Variants in ABAT observed in about 807,000 individuals in gnomAD.
ABAT encodes the protein 4-aminobutyrate aminotransferase, also known as 4-aminobutyrate aminotransferase, mitochondrial.
ABAT carries 45 observed loss-of-function variants against 64.6 expected under a neutral mutation model. The observed-to-expected ratio is 0.70, with a 90% confidence interval of 0.55 to 0.89. The LOEUF is 0.89. Ranked by LOEUF, ABAT falls within the 40% of genes least tolerant of loss-of-function variation. The pLI is 0.00. For synonymous variants in ABAT, 297 were observed against 250.5 expected, an observed-to-expected ratio of 1.19 and a Z score of -1.75; for missense variants, 633 against 658.4, an observed-to-expected ratio of 0.96 and a Z score of 0.42.
At chr16:8,748,032 G>A (rs562210629) in intron 3 of ABAT, 76 bp from the exon 4 acceptor site, 2 of 1,446,542 alleles carry the variant, frequency 1.4e-6, no homozygotes, top group Admixed American at 1.8e-5. Flanking sequence ...CAAGACTTGG[G>A]AAAACATGAA....
chr16:8,734,421 T>A (rs73499546), intron 1 of ABAT, among the ~76,000 whole-genome samples: 5,005 of 152,162 alleles, frequency 0.033, 283 homozygotes, highest in African/African-American at 0.11. Context: ...AGGGATTTTG[T>A]TGGAGTGTTT....
At chr16:8,716,243 C>T (rs1475502095) in intron 1 of ABAT, among the ~76,000 whole-genome samples, 1 of 152,126 alleles carries the variant, frequency 6.6e-6, no homozygotes, top group Non-Finnish European at 1.5e-5. Context: ...TACTACATGG[C>T]TGTGTGATGT....
At chr16:8,753,966 A>G (rs2059566180) in intron 5 of ABAT, among the ~76,000 whole-genome samples, 1 of 152,108 alleles carries the variant, frequency 6.6e-6, no homozygotes, top group African/African-American at 2.4e-5. Flanking sequence ...TGCGCGGCCC[A>G]GGCTCAGAGG....
At chr16:8,704,080 G>A (rs1030916050) in intron 1 of ABAT, among the ~76,000 whole-genome samples, 11 of 152,266 alleles carry the variant, frequency 7.2e-5, no homozygotes, top group Middle Eastern at 3.4e-3. Context: ...GGGATGAGTC[G>A]AGAAGTTTCC....
At chr16:8,773,105 T>TACACAC (rs35248639) in intron 12 of ABAT, among the ~76,000 whole-genome samples, 188 bp downstream of exon 12, 12,772 of 108,768 alleles carry the variant, frequency 0.12, 873 homozygotes, top group Non-Finnish European at 0.15. Context: ...CCTAAAACTA[T>TACACAC]ACACACACAC....
chr16:8,762,898 A>G (rs2059837519), intron 6 of ABAT, among the ~76,000 whole-genome samples: 1 of 152,038 alleles, frequency 6.6e-6, no homozygotes, highest in African/African-American at 2.4e-5. Flanking sequence ...CTTGAGTCCA[A>G]GAGTTCAAGA....
At position 8,764,631 on chromosome 16, in the gene ABAT, C is replaced by A; in HGVS notation, c.448-107C>A. 1.8e-5 allele frequency: 19 copies of A among 1,072,220 alleles called. 1 individual carries two copies. The South Asian group carries it at 2.0e-4, about 12-fold the overall frequency. 66.4% of individuals were successfully genotyped at this position (1,072,220 alleles called of 1,614,324 possible). A position where few individuals can be genotyped will look rare whatever the true frequency, so the allele number is the denominator to read the frequency against. ...GACACCTTCCAGGACAGCCCTGGTT[C>A]TGTCTGTCCCCGGTACGGCCCCTGC... On this transcript the variant is annotated intron_variant, in intron 7 of 15. Transcript: ENST00000268251. The surrounding 1 kb of genome is among the most constrained non-coding windows in gnomAD (Gnocchi z 4.2).
intron 4 of ABAT, among the ~76,000 whole-genome samples, chr16:8,748,647 T>C (rs1456243383): frequency 1.4e-5 from 2 of 146,092 alleles, no homozygotes; most frequent in Non-Finnish European, 3.0e-5. Flanking sequence ...CATCTCCAAC[T>C]ATTATTATAA....
At chr16:8,695,972 G>T (rs2057692579) in intron 1 of ABAT, among the ~76,000 whole-genome samples, 1 of 152,206 alleles carries the variant, frequency 6.6e-6, no homozygotes, top group Non-Finnish European at 1.5e-5. Flanking sequence ...GATGCTTAAA[G>T]CCTCTCTCCT....
At chr16:8,714,373 T>C (rs2058152504) in intron 1 of ABAT, among the ~76,000 whole-genome samples, 1 of 152,206 alleles carries the variant, frequency 6.6e-6, no homozygotes. Context: ...CAGGGGGCGC[T>C]GTCACTGGGC....
chr16:8,769,138 A>G (rs926705054), intron 11 of ABAT, among the ~76,000 whole-genome samples, 165 bp downstream of exon 11: 1 of 152,180 alleles, frequency 6.6e-6, no homozygotes, highest in Non-Finnish European at 1.5e-5. Context: ...CAAATGTTCT[A>G]TGTTGGGAGA....
At chr16:8,699,149 C>G (rs2057765132) in intron 1 of ABAT, among the ~76,000 whole-genome samples, 1 of 152,136 alleles carries the variant, frequency 6.6e-6, no homozygotes, top group Admixed American at 6.5e-5. Flanking sequence ...GAAGTAGTTA[C>G]AGAACCGCCC....
chr16:8,724,456 G>T (rs1470561250), intron 1 of ABAT, among the ~76,000 whole-genome samples: 1 of 152,190 alleles, frequency 6.6e-6, no homozygotes, highest in South Asian at 2.1e-4. Context: ...TCTCAGCTAG[G>T]CATGGTGGTT....
At chr16:8,697,886 G>A (rs1273375) in intron 1 of ABAT, among the ~76,000 whole-genome samples, 3 of 151,990 alleles carry the variant, frequency 2.0e-5, no homozygotes, top group African/African-American at 7.3e-5. Flanking sequence ...ATCCACCTGC[G>A]TCAGCCTCCC....
intron 2 of ABAT, among the ~76,000 whole-genome samples, chr16:8,743,369 C>T (rs1471070473): frequency 7.2e-6 from 1 of 139,316 alleles, no homozygotes; most frequent in Non-Finnish European, 1.5e-5. Flanking sequence ...GAGATCTTGG[C>T]ACATTTCTTA....
intron 5 of ABAT, 21 bp downstream of exon 5, chr16:8,750,560 C>A (rs980380056): frequency 1.3e-6 from 2 of 1,599,714 alleles, no homozygotes; most frequent in African/African-American, 1.3e-5. Context: ...GGAAATCATT[C>A]CTTGGATATA....
At chr16:8,712,311 TG>T (rs1226277390) in intron 1 of ABAT, among the ~76,000 whole-genome samples, 1 of 152,146 alleles carries the variant, frequency 6.6e-6, no homozygotes. Flanking sequence ...TGAAATATTT[TG>T]GGGGGAAGGA....
rs2060259243 is a variant in ABAT at position 8,776,214 on chromosome 16, C to T, written c.1123-130C>T. 1 of 1,289,914 alleles carries T rather than the reference C, an allele frequency of 7.8e-7. No individual in the cohort carries two copies. Among genetic ancestry groups the T allele is most frequent in the South Asian group, 1.2e-5 (1 of 82,174 alleles). 79.9% of individuals were successfully genotyped at this position (1,289,914 alleles called of 1,614,324 possible). Reference sequence around the variant, plus strand: ...AGCGAGATTGGGTGTGTTCCCCTGCCAGCCTCTGGTAGATGCCCACTAGAT... The same window carrying T: ...AGCGAGATTGGGTGTGTTCCCCTGCTAGCCTCTGGTAGATGCCCACTAGAT... On this transcript the variant is annotated intron_variant, in intron 13 of 15. Transcript: ENST00000268251. The surrounding 1 kb of genome is among the most constrained non-coding windows in gnomAD (Gnocchi z 4.4).
chr16:8,718,542 T>C (rs760771457), intron 1 of ABAT, among the ~76,000 whole-genome samples: 2 of 152,144 alleles, frequency 1.3e-5, no homozygotes, highest in Admixed American at 6.5e-5. Flanking sequence ...ACAAGTGTTT[T>C]TGAGCACCTA....
Sources: gnomAD v4.1 joint callset for allele counts (sites outside exome capture counted in the v4.1 genomes callset) on GRCh38, gnomAD v4.1.1 for gene constraint, Gnocchi (gnomAD v3.1) non-coding constraint, MANE v1.5 for transcripts, NCBI Gene and HGNC (gene_info 2026-07-23, HGNC 2026-07-21) for gene names.